Variants in NSD3 observed in about 807,000 individuals in gnomAD.
NSD3 encodes the protein histone-lysine N-methyltransferase NSD3.
NSD3 carries 24 observed loss-of-function variants against 160.8 expected under a neutral mutation model. The observed-to-expected ratio is 0.15, with a 90% confidence interval of 0.11 to 0.21. The LOEUF (loss-of-function observed/expected upper bound fraction) is 0.21, where lower values mean the gene tolerates loss of function less well. Among genes scored for constraint, NSD3 ranks in the 10% least tolerant of loss-of-function variants. NSD3 has a pLI of 1.00. For missense variants in NSD3, 1,157 were observed against 1,735.9 expected (o/e 0.67, Z 5.93); for synonymous variants, 520 against 600.0 (o/e 0.87, Z 1.95).
Position 38,326,768 on chromosome 8 carries a change from T to G in NSD3, c.1670A>C (p.Gln557Pro). The G allele has an allele frequency of 1.2e-6, 2 of 1,614,104 alleles. No homozygotes were observed. The highest frequency in any genetic ancestry group is 1.7e-6 in the Non-Finnish European group (2 of 1,179,992). Reference sequence around the variant, plus strand: ...TGTTGCTTCAGGAGATGATACACTCTGCGTTGGCTTTTCATTTCTCTGGTT... The same window carrying G: ...TGTTGCTTCAGGAGATGATACACTCGGCGTTGGCTTTTCATTTCTCTGGTT... ...TPNQRNEKPT[Q>P]SVSSPEATSG... The change falls in exon 7 of 24, where the codon CAG (glutamine) becomes CCG (proline). Residue 557 changes from glutamine to proline, a missense_variant. By Grantham distance (76) the Gln-to-Pro change is moderately conservative. Transcript: ENST00000317025.
intron 1 of NSD3, among the ~76,000 whole-genome samples, chr8:38,370,385 T>C: frequency 6.6e-6 from 1 of 151,666 alleles, no homozygotes; most frequent in South Asian, 2.1e-4. Flanking sequence ...GGAGAATTTT[T>C]TTTTTTTTTT....
intron 1 of NSD3, among the ~76,000 whole-genome samples, chr8:38,354,019 G>A (rs1014391549): frequency 6.6e-6 from 1 of 152,162 alleles, no homozygotes; most frequent in Admixed American, 6.5e-5. Flanking sequence ...CCTTTTCCTA[G>A]TGCAATGTCC....
At chr8:38,369,627 C>T (rs1488841076) in intron 1 of NSD3, among the ~76,000 whole-genome samples, 1 of 152,160 alleles carries the variant, frequency 6.6e-6, no homozygotes, top group African/African-American at 2.4e-5. Context: ...TACGCACACT[C>T]TAGTACTTCT....
At chr8:38,277,900 G>C (rs1338271807) in intron 22 of NSD3, among the ~76,000 whole-genome samples, 1 of 151,414 alleles carries the variant, frequency 6.6e-6, no homozygotes, top group African/African-American at 2.4e-5. Flanking sequence ...CCAATTGCCA[G>C]CAGGTTCCTG....
chr8:38,286,924 C>T (rs932225496), intron 19 of NSD3, among the ~76,000 whole-genome samples: 1 of 152,212 alleles, frequency 6.6e-6, no homozygotes, highest in Non-Finnish European at 1.5e-5. Flanking sequence ...AAGGGCAATC[C>T]CTGTCACCAG....
Position 38,270,928 on chromosome 8 carries a change from CAG to C in NSD3, c.*4711_*4712del, listed in dbSNP as rs983418458. The C allele has an allele frequency of 2.0e-5, 3 of 152,146 alleles. No homozygotes were observed. Among genetic ancestry groups the C allele is most frequent in the African/African-American group, 7.2e-5 (3 of 41,436 alleles). The allele number at this position is 152,146 out of a possible 1,614,324, so 9.4% of individuals were successfully genotyped here. A position where few individuals can be genotyped will look rare whatever the true frequency, so the allele number is the denominator to read the frequency against. On this transcript the variant is annotated 3_prime_UTR_variant, in exon 24 of 24. Coordinates refer to ENST00000317025, the MANE Select transcript of NSD3 (RefSeq NM_023034.2). The stretch of plus-strand genomic sequence containing the variant: ...GGACTGACCAAAACAAAACAAAAAA[CAG>C]AAATGTTTTTTGAAAGACACGGATT...
chr8:38,279,260 C>T (rs866148318), intron 21 of NSD3, among the ~76,000 whole-genome samples: 2 of 152,246 alleles, frequency 1.3e-5, no homozygotes, highest in African/African-American at 4.8e-5. Context: ...TTGGAGAATT[C>T]GTTCAGCAGG....
At chr8:38,349,778 T>C (rs1258048567) in intron 1 of NSD3, among the ~76,000 whole-genome samples, 6 of 151,064 alleles carry the variant, frequency 4.0e-5, no homozygotes, top group South Asian at 2.1e-4. Flanking sequence ...GTTGGTGTGC[T>C]GCACCTATTA....
At chr8:38,375,652 A>AT (rs1435855889) in intron 1 of NSD3, among the ~76,000 whole-genome samples, 1 of 151,980 alleles carries the variant, frequency 6.6e-6, no homozygotes, top group African/African-American at 2.4e-5. Context: ...ATATAACAAT[A>AT]TAAGTATAAT....
Position 38,288,098 on chromosome 8 carries a change from C to G in NSD3, c.3501+389G>C, listed in dbSNP as rs915230249. Among the ~76,000 whole-genome samples, 2 of 152,022 alleles carry G rather than the reference C, an allele frequency of 1.3e-5. No homozygotes were observed. The highest frequency in any genetic ancestry group is 2.9e-5 in the Non-Finnish European group (2 of 67,998). On this transcript the variant is annotated intron_variant, in intron 19 of 23. Coordinates refer to ENST00000317025, the MANE Select transcript of NSD3 (RefSeq NM_023034.2). This position sits in a 1 kb window ranked among gnomAD's most constrained non-coding sequence, Gnocchi z 4.5. ...TCGGGAGGCTGAAGTGGGAGGATCTCTTGAGCCCAGGAGTTCAAGGCTTGA... is the reference window on the plus strand; with the variant it reads ...TCGGGAGGCTGAAGTGGGAGGATCTGTTGAGCCCAGGAGTTCAAGGCTTGA...
chr8:38,341,619 C>T (rs879411209), intron 2 of NSD3, among the ~76,000 whole-genome samples: 67 of 151,744 alleles, frequency 4.4e-4, no homozygotes, highest in Non-Finnish European at 8.1e-4. Context: ...AAAGAACATT[C>T]CAGGAGGAAG....
intron 1 of NSD3, among the ~76,000 whole-genome samples, chr8:38,359,341 A>G (rs957285214): frequency 2.0e-5 from 3 of 152,208 alleles, no homozygotes; most frequent in African/African-American, 7.2e-5. Context: ...CCAAACTGCT[A>G]TGAAGTATGA....
chr8:38,328,004 C>G (rs1809958599), intron 6 of NSD3, among the ~76,000 whole-genome samples: 1 of 152,068 alleles, frequency 6.6e-6, no homozygotes, highest in African/African-American at 2.4e-5. Flanking sequence ...GAGTTCAAGA[C>G]CAGCCTGGGC....
Position 38,275,499 on chromosome 8 carries a change from C to T in NSD3, c.*142G>A. The T allele has an allele frequency of 1.3e-6, 1 of 742,866 alleles. No individual in the cohort carries two copies. Among genetic ancestry groups the T allele is most frequent in the Non-Finnish European group, 2.1e-6 (1 of 465,572 alleles). The allele number at this position is 742,866 out of a possible 1,614,324, so 46.0% of individuals were successfully genotyped here. The stretch of plus-strand genomic sequence containing the variant: ...ACCAGACACCACCAACTGCTTCTGC[C>T]TGCATGAACTGGTTTCCCATTTTTG... On this transcript the variant is annotated 3_prime_UTR_variant, in exon 24 of 24. Coordinates refer to ENST00000317025, the MANE Select transcript of NSD3 (RefSeq NM_023034.2).
At chr8:38,287,786 G>T (rs189736945) in intron 19 of NSD3, among the ~76,000 whole-genome samples, 36 of 152,084 alleles carry the variant, frequency 2.4e-4, no homozygotes, top group Middle Eastern at 3.4e-3. Flanking sequence ...CCGAGTAGCT[G>T]GGACTACAGG....
chr8:38,359,896 A>C (rs894211072), intron 1 of NSD3, among the ~76,000 whole-genome samples: 2 of 152,234 alleles, frequency 1.3e-5, no homozygotes, highest in Non-Finnish European at 2.9e-5. Context: ...AGTGGCATCC[A>C]AGTGTTATAC....
intron 7 of NSD3, among the ~76,000 whole-genome samples, chr8:38,325,959 C>T (rs756469062): frequency 7.2e-5 from 11 of 151,754 alleles, no homozygotes; most frequent in Admixed American, 1.3e-4. Flanking sequence ...ACTAGCCTGG[C>T]CAACATGGTG....
At chr8:38,311,046 T>C (rs1018219028) in intron 12 of NSD3, among the ~76,000 whole-genome samples, 1 of 151,604 alleles carries the variant, frequency 6.6e-6, no homozygotes, top group Admixed American at 6.6e-5. Context: ...TGGCATCTCA[T>C]TGTGGCTTTG....
At chr8:38,312,018 C>G (rs558363199) in intron 12 of NSD3, among the ~76,000 whole-genome samples, 1 of 152,332 alleles carries the variant, frequency 6.6e-6, no homozygotes, top group Non-Finnish European at 1.5e-5. Context: ...ATATATCCAA[C>G]TCTTCCAGCA....
Sources: allele counts gnomAD v4.1 joint callset (sites outside exome capture counted in the v4.1 genomes callset), GRCh38; gene constraint gnomAD v4.1.1; non-coding constraint Gnocchi (gnomAD v3.1); transcripts MANE v1.5; gene names NCBI Gene and HGNC (gene_info 2026-07-23, HGNC 2026-07-21).